Variants in SNX25 observed in about 807,000 individuals in gnomAD.
The protein encoded by SNX25 is sorting nexin-25.
SNX25 carries 62 observed loss-of-function variants against 113.7 expected under a neutral mutation model. The observed-to-expected ratio is 0.55, with a 90% CI of 0.44 to 0.67. SNX25 has a LOEUF of 0.67. Ranked by LOEUF, SNX25 falls within the 30% of genes least tolerant of loss-of-function variation. SNX25 has a pLI of 0.00. For synonymous variants in SNX25, 421 were observed against 436.2 expected (o/e 0.97, Z 0.43); for missense variants, 1,014 against 1,161.0 (o/e 0.87, Z 1.84).
intron 7 of SNX25, among the ~76,000 whole-genome samples, chr4:185,317,661 G>C (rs1256104886): frequency 1.3e-5 from 2 of 152,176 alleles, no homozygotes; most frequent in Non-Finnish European, 2.9e-5. Context: ...ATGAGTTCAT[G>C]TCCTTGCAGG....
intron 2 of SNX25, among the ~76,000 whole-genome samples, chr4:185,248,738 A>G (rs900127055): frequency 3.3e-5 from 5 of 152,246 alleles, no homozygotes; most frequent in African/African-American, 7.2e-5. Flanking sequence ...TAATTATACA[A>G]TTCAGTAATT....
chr4:185,256,970 G>A (rs1267133989), intron 2 of SNX25, among the ~76,000 whole-genome samples: 1 of 151,952 alleles, frequency 6.6e-6, no homozygotes, highest in Non-Finnish European at 1.5e-5. Flanking sequence ...TGGCCAAGAT[G>A]TATAAAATGA....
intron 10 of SNX25, among the ~76,000 whole-genome samples, chr4:185,335,790 T>C (rs1370083975): frequency 2.6e-5 from 4 of 152,202 alleles, no homozygotes; most frequent in Non-Finnish European, 1.5e-5. Flanking sequence ...CATGGTGCTG[T>C]GCGAGTCACT....
chr4:185,342,501 C>T (rs569918585), intron 12 of SNX25, among the ~76,000 whole-genome samples: 1 of 151,670 alleles, frequency 6.6e-6, no homozygotes, highest in Non-Finnish European at 1.5e-5. Context: ...CAGTAAGGTG[C>T]GGTGCTTGGA....
intron 6 of SNX25, among the ~76,000 whole-genome samples, chr4:185,300,303 C>CA (rs1753460737): frequency 1.3e-5 from 2 of 151,374 alleles, no homozygotes; most frequent in Non-Finnish European, 2.9e-5. Flanking sequence ...GGATTACAGG[C>CA]GCCTGCCCCC....
chr4:185,212,494 T>TCTG (rs1553980614), intron 1 of SNX25, among the ~76,000 whole-genome samples: 5 of 133,770 alleles, frequency 3.7e-5, no homozygotes, highest in African/African-American at 1.7e-4. Context: ...TGTGTGTGTT[T>TCTG]TTTTTTTTTT....
chr4:185,261,844 T>C (rs373411367), intron 3 of SNX25, among the ~76,000 whole-genome samples: 1 of 152,214 alleles, frequency 6.6e-6, no homozygotes, highest in Non-Finnish European at 1.5e-5. Flanking sequence ...TCCTGCCACA[T>C]TTCTCCTGGA....
rs570604878 is a variant in SNX25 at position 185,234,856 on chromosome 4, T to G, written c.430-12438T>G. Among the ~76,000 whole-genome samples, 20 of 152,342 alleles carry G rather than the reference T, an allele frequency of 1.3e-4. No individual in the cohort carries two copies. In the East Asian group the frequency reaches 1.9e-3, roughly 15 times the overall value. The stretch of plus-strand genomic sequence containing the variant: ...CAGACATTATTATTTTACATTGACG[T>G]GACTCTCAGAGAGGTGGACATGTTC... On this transcript the variant is annotated intron_variant, in intron 1 of 18. Coordinates refer to ENST00000652585, the MANE Select transcript of SNX25 (RefSeq NM_001378034.2).
intron 6 of SNX25, among the ~76,000 whole-genome samples, chr4:185,298,812 T>C (rs1431554589): frequency 6.6e-6 from 1 of 152,200 alleles, no homozygotes; most frequent in Non-Finnish European, 1.5e-5. Context: ...ACTGTCTCTT[T>C]CTTCATTGTT....
intron 3 of SNX25, 72 bp downstream of exon 3, chr4:185,259,136 G>T: frequency 7.5e-7 from 1 of 1,335,604 alleles, no homozygotes; most frequent in Non-Finnish European, 1.1e-6. Context: ...TCAAAGTCAA[G>T]ATAAAACTCT....
At chr4:185,375,510 A>ATGTG in the SNX25 span, 3 of 63,432 alleles carry the variant, frequency 4.7e-5, no homozygotes, top group African/African-American at 2.8e-4. Context: ...ATATATATAT[A>ATGTG]TATATGTATA....
chr4:185,307,504 G>A (rs1479542196), intron 6 of SNX25, among the ~76,000 whole-genome samples: 3 of 152,032 alleles, frequency 2.0e-5, no homozygotes, highest in Non-Finnish European at 2.9e-5. Context: ...TTCCACACTT[G>A]CCCCTTTACC....
intron 1 of SNX25, among the ~76,000 whole-genome samples, chr4:185,239,907 C>T (rs1161747139): frequency 6.7e-6 from 1 of 148,958 alleles, no homozygotes; most frequent in Admixed American, 6.7e-5. Flanking sequence ...GGCAGAGGAC[C>T]CTGCGGCCTT....
At chr4:185,375,600 G>A in the SNX25 span, 1 of 1,476,890 alleles carries the variant, frequency 6.8e-7, no homozygotes, top group Non-Finnish European at 9.1e-7. Context: ...CTGTGACCAA[G>A]ACATTAACTT....
chr4:185,267,013 A>C lies in SNX25; in HGVS notation c.949A>C (p.Asn317His), dbSNP rs920942767. 1.2e-5 allele frequency: 19 copies of C among 1,613,970 alleles called. No individual in the cohort carries two copies. The highest frequency in any genetic ancestry group is 1.4e-5 in the Non-Finnish European group (16 of 1,179,888). ...VELLSNPDYI[N>H]QMLLAQLAYR... is the part of the protein sequence containing the mutation. ...GTTACTGAGTAATCCAGATTACATTAACCAAATGCTGCTTGCCCAGCTGGC... is the reference window on the plus strand; with the variant it reads ...GTTACTGAGTAATCCAGATTACATTCACCAAATGCTGCTTGCCCAGCTGGC... The change falls in exon 5 of 19, where the codon AAC (asparagine) becomes CAC (histidine). Residue 317 changes from asparagine (N) to histidine (H), a missense_variant. Physicochemically the swap from Asn to His is moderately conservative, Grantham distance 68 (BLOSUM62 1). Transcript: ENST00000652585.
At chr4:185,373,061 C>T (rs764651617), downstream of SNX25, 7 of 1,606,828 alleles carry the variant, frequency 4.4e-6, no homozygotes, top group East Asian at 6.7e-5. Context: ...CCACATGCTT[C>T]GGAATGCCAG....
chr4:185,344,626 T>C (rs985042588), intron 12 of SNX25, among the ~76,000 whole-genome samples: 3 of 149,384 alleles, frequency 2.0e-5, no homozygotes, highest in African/African-American at 7.6e-5. Context: ...CAAAGTTACA[T>C]CTTGAGATTA....
intron 1 of SNX25, among the ~76,000 whole-genome samples, chr4:185,219,525 C>T (rs1007495465): frequency 3.3e-5 from 5 of 152,112 alleles, no homozygotes; most frequent in Non-Finnish European, 5.9e-5. Flanking sequence ...TGCCACTGCA[C>T]TCCAGGCTGG....
At chr4:185,275,586 A>G (rs1356862812) in intron 5 of SNX25, among the ~76,000 whole-genome samples, 1 of 152,206 alleles carries the variant, frequency 6.6e-6, no homozygotes. Flanking sequence ...TAATGTATTA[A>G]AACATGAAAA....
Sources: allele counts gnomAD v4.1 joint callset (sites outside exome capture counted in the v4.1 genomes callset), GRCh38; gene constraint gnomAD v4.1.1; transcripts MANE v1.5; gene names NCBI Gene and HGNC (gene_info 2026-07-23, HGNC 2026-07-21).